The following AGBL1 variants were observed in gnomAD, a reference collection of about 807,000 sequenced individuals.
The protein encoded by AGBL1 is cytosolic carboxypeptidase 4.
Under a neutral mutation model 118.9 loss-of-function variants are expected in AGBL1, and 130 were observed. The ratio of observed to expected loss-of-function variants is 1.09; its 90% CI spans 0.95 to 1.26. The LOEUF is 1.26. Among genes scored for constraint, AGBL1 ranks in the 50% most tolerant of loss-of-function variants. The pLI is 0.00. For synonymous variants in AGBL1, 555 were observed against 478.9 expected (o/e 1.16, Z -2.08); for missense variants, 1,584 against 1,298.1 (o/e 1.22, Z -3.38).
chr15:86,587,547 G>C (rs151223280), intron 21 of AGBL1, among the ~76,000 whole-genome samples: 1 of 152,158 alleles, frequency 6.6e-6, no homozygotes, highest in Non-Finnish European at 1.5e-5. Flanking sequence ...GAGGGCGTTC[G>C]TGGAAGAAGG....
At chr15:86,138,077 C>T (rs561322146) in intron 1 of AGBL1, among the ~76,000 whole-genome samples, 2 of 152,244 alleles carry the variant, frequency 1.3e-5, no homozygotes, top group South Asian at 4.1e-4. Flanking sequence ...TTATCTATTA[C>T]AGCTCGTGAG....
intron 9 of AGBL1, among the ~76,000 whole-genome samples, chr15:86,262,095 G>C (rs199909422): frequency 5.9e-4 from 5 of 8,544 alleles, no homozygotes; most frequent in Admixed American, 1.2e-3. Context: ...TTTTTTTTTT[G>C]CCATTTAGGT....
At chr15:86,700,355 C>T (rs1265169138) in intron 22 of AGBL1, among the ~76,000 whole-genome samples, 1 of 151,616 alleles carries the variant, frequency 6.6e-6, no homozygotes, top group Non-Finnish European at 1.5e-5. Context: ...TTGTACATTC[C>T]CCAATTCATC....
intron 5 of AGBL1, among the ~76,000 whole-genome samples, chr15:86,220,626 C>A (rs922666019): frequency 1.3e-5 from 2 of 152,158 alleles, no homozygotes; most frequent in South Asian, 4.1e-4. Flanking sequence ...GAACTGTGAC[C>A]TCTAGAATCT....
intron 17 of AGBL1, among the ~76,000 whole-genome samples, chr15:86,356,779 G>A (rs2080727916): frequency 1.3e-5 from 2 of 152,130 alleles, no homozygotes; most frequent in South Asian, 4.1e-4. Flanking sequence ...TGATATCCCC[G>A]GCAATTTGCT....
At chr15:86,536,525 G>C (rs930128627) in intron 19 of AGBL1, among the ~76,000 whole-genome samples, 3 of 152,086 alleles carry the variant, frequency 2.0e-5, no homozygotes, top group African/African-American at 7.2e-5. Flanking sequence ...TGGCTAGGAT[G>C]GTCTCTATCT....
intron 22 of AGBL1, among the ~76,000 whole-genome samples, chr15:86,713,786 AT>A (rs140305239): frequency 0.012 from 1,756 of 150,424 alleles, 19 homozygotes; most frequent in African/African-American, 0.026. Context: ...TAGAGAGTGT[AT>A]TTTTTTTTTC....
intron 17 of AGBL1, among the ~76,000 whole-genome samples, chr15:86,357,493 C>T (rs1338144207): frequency 6.6e-6 from 1 of 152,028 alleles, no homozygotes; most frequent in East Asian, 1.9e-4. Context: ...TTTATTCTTT[C>T]CTATTTGCCT....
chr15:86,091,796 A>G (rs755076228), intron 1 of AGBL1, among the ~76,000 whole-genome samples: 2 of 152,074 alleles, frequency 1.3e-5, no homozygotes, highest in Non-Finnish European at 2.9e-5. Context: ...TTTTCCAATT[A>G]TATATCTCTC....
At chr15:86,752,534 T>C (rs1311266150) in intron 22 of AGBL1, among the ~76,000 whole-genome samples, 1 of 152,082 alleles carries the variant, frequency 6.6e-6, no homozygotes, top group African/African-American at 2.4e-5. Context: ...GTCATCACCT[T>C]CCCAGATCCA....
chr15:86,825,387 TAAAAAAAAAAAAAAAAAA>T lies in AGBL1; in HGVS notation c.3159-81681_3159-81664del, dbSNP rs869042604. 2.2e-3 allele frequency among the ~76,000 whole-genome samples: 25 copies of T among 11,148 alleles called. No individual in the cohort carries two copies. The South Asian group carries it at 0.042, about 19-fold the overall frequency. The allele number at this position is 11,148 out of a possible 152,430, so 7.3% of individuals were successfully genotyped here. The stretch of plus-strand genomic sequence containing the variant: ...AGTTGAAAAGACAAGGTAGAAACTG[TAAAAAAAAAAAAAAAAAA>T]AAAAAAAAAAAAAAAAAAGGTTGCA... On this transcript the variant is annotated intron_variant, in intron 22 of 22. Transcript: ENST00000614907.
chr15:86,871,698 G>A (rs148577972), intron 22 of AGBL1, among the ~76,000 whole-genome samples: 192 of 152,122 alleles, frequency 1.3e-3, no homozygotes, highest in Admixed American at 3.3e-3. Context: ...TGCATACACC[G>A]GGACTGTTGG....
intron 22 of AGBL1, among the ~76,000 whole-genome samples, chr15:86,844,361 C>A (rs2079288790): frequency 6.6e-6 from 1 of 152,132 alleles, no homozygotes; most frequent in Non-Finnish European, 1.5e-5. Flanking sequence ...TTTCCTACAT[C>A]CTTGTCAACA....
chr15:86,801,250 G>T (rs1051198906), intron 22 of AGBL1, among the ~76,000 whole-genome samples: 2 of 151,912 alleles, frequency 1.3e-5, no homozygotes, highest in Non-Finnish European at 2.9e-5. Flanking sequence ...GGCAAATGTT[G>T]GGGAGAAGCA....
chr15:86,322,117 AC>A (rs1208063858), intron 17 of AGBL1, among the ~76,000 whole-genome samples: 2 of 150,584 alleles, frequency 1.3e-5, no homozygotes, highest in African/African-American at 4.9e-5. Flanking sequence ...AGGAATGTGT[AC>A]TTTCCAGCTA....
chr15:86,130,064 G>A (rs978124616), intron 1 of AGBL1, among the ~76,000 whole-genome samples: 12 of 152,118 alleles, frequency 7.9e-5, no homozygotes, highest in Non-Finnish European at 1.8e-4. Flanking sequence ...GTCAGCAGTC[G>A]TGTGGGTAGG....
At chr15:86,143,539 A>G (rs2076992302) in intron 2 of AGBL1, among the ~76,000 whole-genome samples, 160 bp from the exon 3 acceptor site, 1 of 152,212 alleles carries the variant, frequency 6.6e-6, no homozygotes, top group Admixed American at 6.5e-5. Flanking sequence ...CCCTTAACTG[A>G]TAGTACAACT....
intron 6 of AGBL1, among the ~76,000 whole-genome samples, chr15:86,235,236 C>T (rs943098068): frequency 1.5e-4 from 23 of 152,128 alleles, no homozygotes; most frequent in African/African-American, 5.6e-4. Context: ...CTTATTCATT[C>T]TTCCTTATTT....
intron 17 of AGBL1, among the ~76,000 whole-genome samples, chr15:86,374,392 G>A (rs1226949114): frequency 1.3e-5 from 2 of 152,194 alleles, no homozygotes; most frequent in African/African-American, 4.8e-5. Flanking sequence ...TTATCTAAAT[G>A]TCATAAAAGT....
Sources: allele counts gnomAD v4.1 joint callset (sites outside exome capture counted in the v4.1 genomes callset), GRCh38; gene constraint gnomAD v4.1.1; transcripts MANE v1.5; gene names NCBI Gene and HGNC (gene_info 2026-07-23, HGNC 2026-07-21).